The following APOA5 variants were observed in gnomAD, a reference collection of about 807,000 sequenced individuals.
The protein encoded by APOA5 is apolipoprotein A5, also known as apolipoprotein A-V.
APOA5 carries 26 observed loss-of-function variants against 31.8 expected under a neutral mutation model. The ratio of observed to expected loss-of-function variants is 0.82; its 90% CI spans 0.60 to 1.13. The LOEUF is 1.13. APOA5 is among the 50% of genes most tolerant of loss of function. The probability of loss-of-function intolerance (pLI) is 0.00; values close to 1 mark genes in which losing one functional copy is unlikely to be tolerated. For synonymous variants in APOA5, 186 were observed against 198.5 expected (o/e 0.94, Z 0.53); for missense variants, 450 against 488.0 (o/e 0.92, Z 0.73).
In APOA5 at chr11:116,789,899, A is replaced by T. The variant is rs906102559; in HGVS notation, c.*229T>A. On this transcript the variant is annotated 3_prime_UTR_variant, in exon 3 of 3. Coordinates refer to ENST00000227665, the MANE Select transcript of APOA5 (RefSeq NM_001371904.1). ...AACTCATGAGCATTCCCAAATGAGC[A>T]CTGGGAGGCTGGGTTTGCAAAGCCT... The T allele has an allele frequency of 8.3e-6, 5 of 601,510 alleles. No homozygotes were observed. The African/African-American group carries it at 9.2e-5, about 11-fold the overall frequency. 37.3% of individuals were successfully genotyped at this position (601,510 alleles called of 1,614,324 possible).
intron 1 of APOA5, 39 bp downstream of exon 1, chr11:116,791,773 A>G: frequency 1.2e-6 from 2 of 1,614,062 alleles, no homozygotes; most frequent in South Asian, 1.1e-5. Context: ...GCCAGCCTCC[A>G]CCCACACCCC....
rs1940949873 is a variant in APOA5 at position 116,789,378 on chromosome 11, A to G, written c.*750T>C. ...CACGCCAGGCAAACTTCTATCATAA[A>G]CATCTATTTCATTTGAGCCAGAAGT... On this transcript the variant is annotated 3_prime_UTR_variant, in exon 3 of 3. Transcript: ENST00000227665. The G allele has an allele frequency of 6.5e-6, 1 of 153,448 alleles. No homozygotes were observed. Among genetic ancestry groups the G allele is most frequent in the Admixed American group, 6.5e-5 (1 of 15,456 alleles). The allele number at this position is 153,448 out of a possible 1,614,324, so 9.5% of individuals were successfully genotyped here. A position where few individuals can be genotyped will look rare whatever the true frequency, so the allele number is the denominator to read the frequency against.
chr11:116,791,777 A>C (rs1190355086), intron 1 of APOA5, 35 bp downstream of exon 1: 4 of 1,614,102 alleles, frequency 2.5e-6, no homozygotes, highest in Non-Finnish European at 2.5e-6. Flanking sequence ...GCCTCCACCC[A>C]CACCCCCACG....
chr11:116,792,125 C>T (rs573220266), upstream of APOA5, among the ~76,000 whole-genome samples: 2 of 152,236 alleles, frequency 1.3e-5, no homozygotes, highest in East Asian at 1.9e-4. Context: ...GAGCGTGGTG[C>T]TCTAACCCCT....
At chr11:116,791,465 G>C in intron 2 of APOA5, 121 bp downstream of exon 2, 1 of 1,069,426 alleles carries the variant, frequency 9.4e-7, no homozygotes, top group Admixed American at 2.0e-5. Context: ...GACAGAGCTA[G>C]CACCGCTCCT....
In APOA5 at chr11:116,789,555, T is replaced by TATCATTAAAAAAA; in HGVS notation, c.*572_*573insTTTTTTTAATGAT. ...ATGTCAGGAAACATGGGCTCTGCCC[T>TATCATTAAAAAAA]CTCCTATCACAGCCCACACCTTTCG... On this transcript the variant is annotated 3_prime_UTR_variant, in exon 3 of 3. Coordinates refer to ENST00000227665, the MANE Select transcript of APOA5 (RefSeq NM_001371904.1). The TATCATTAAAAAAA allele has an allele frequency of 5.4e-6, 1 of 183,844 alleles. No homozygotes were observed. Among genetic ancestry groups the TATCATTAAAAAAA allele is most frequent in the Non-Finnish European group, 1.2e-5 (1 of 86,024 alleles). The allele number at this position is 183,844 out of a possible 1,614,324, so 11.4% of individuals were successfully genotyped here. A position where few individuals can be genotyped will look rare whatever the true frequency, so the allele number is the denominator to read the frequency against.
Position 116,790,071 on chromosome 11 carries a change from C to G in APOA5, c.*57G>C. 1 of 1,571,308 alleles carries G rather than the reference C, an allele frequency of 6.4e-7. No homozygotes were observed. The highest frequency in any genetic ancestry group is 8.7e-7 in the Non-Finnish European group (1 of 1,151,272). On this transcript the variant is annotated 3_prime_UTR_variant, in exon 3 of 3. Transcript: ENST00000227665. ...TTCAAGGACTGAACCATGCTAGAGG[C>G]TCAGAGCCAAGGCTCCCCAGACAAG...
chr11:116,791,603 C>G lies in APOA5; in HGVS notation c.144G>C (p.Lys48Asn). ...KGRVEQIHQQ[K>N]MAREPATLKD... ...GCACTCACGCGGGCTCGCGAGCCAT[C>G]TTCTGCTGATGGATCTGCTCCACCC... is the stretch of plus-strand genomic sequence containing the variant. The change falls in exon 2 of 3, where the codon AAG (lysine) becomes AAC (asparagine). Residue 48 changes from lysine to asparagine, a missense_variant. Coordinates refer to ENST00000227665, the MANE Select transcript of APOA5 (RefSeq NM_001371904.1). 1 of 1,605,296 alleles carries G rather than the reference C, an allele frequency of 6.2e-7. No individual in the cohort carries two copies. Among genetic ancestry groups the G allele is most frequent in the East Asian group, 2.3e-5 (1 of 44,328 alleles).
chr11:116,791,051 G>A lies in APOA5; in HGVS notation c.178C>T (p.Leu60Phe). The change falls in exon 3 of 3, where the codon CTT becomes TTT. Residue 60 changes from leucine (L) to phenylalanine (F), a missense_variant. Leu to Phe is a conservative substitution (Grantham distance 22). Coordinates refer to ENST00000227665, the MANE Select transcript of APOA5 (RefSeq NM_001371904.1). ...AREPATLKDS[L>F]EQDLNNMNKF... ...TTCATATTGTTGAGGTCTTGCTCAA[G>A]GCTGTCTTTCAGGGTCCTGGAGAAG... 1 of 1,611,528 alleles carries A rather than the reference G, an allele frequency of 6.2e-7. No homozygotes were observed. Among genetic ancestry groups the A allele is most frequent in the Non-Finnish European group, 8.5e-7 (1 of 1,179,692 alleles).
In APOA5 at chr11:116,791,840, C is replaced by A; in HGVS notation, c.21G>T (p.Val7=). Residue 7 remains valine (V), a synonymous_variant, in exon 1 of 3, where the codon GTG becomes GTT. Transcript: ENST00000227665. MASMAA[V]LTWALALLSA... ...AAAGAAGAGCCAGAGCCCAGGTGAGCACGGCAGCCATGCTTGCCATTACCT... is the reference window on the plus strand; with the variant it reads ...AAAGAAGAGCCAGAGCCCAGGTGAGAACGGCAGCCATGCTTGCCATTACCT... The A allele has an allele frequency of 6.2e-7, 1 of 1,614,170 alleles. No homozygotes were observed. Among genetic ancestry groups the A allele is most frequent in the South Asian group, 1.1e-5 (1 of 91,080 alleles).
chr11:116,791,737 T>TC, intron 1 of APOA5, 40 bp from the exon 2 acceptor site: 1 of 1,611,162 alleles, frequency 6.2e-7, no homozygotes, highest in Non-Finnish European at 8.5e-7. Context: ...TGGGCTCTCC[T>TC]CCCCCAGGGT....
chr11:116,790,814 G>T lies in APOA5; in HGVS notation c.415C>A (p.Gln139Lys). 1 of 1,613,818 alleles carries T rather than the reference G, an allele frequency of 6.2e-7. No homozygotes were observed. The highest frequency in any genetic ancestry group is 8.5e-7 in the Non-Finnish European group (1 of 1,180,028). ...AGCTCCTGCACGCGCAGGGCCACCT[G>T]CTCCATCAGATCCATCGTGTAGGGC... ...LKPYTMDLME[Q>K]VALRVQELQE... Residue 139 changes from glutamine (Q) to lysine (K), a missense_variant, in exon 3 of 3, where the codon CAG becomes AAG. Transcript: ENST00000227665.
In APOA5 at chr11:116,791,570, T is replaced by C; in HGVS notation, c.161+16A>G. 1 of 1,587,134 alleles carries C rather than the reference T, an allele frequency of 6.3e-7. No homozygotes were observed. Among genetic ancestry groups the C allele is most frequent in the Non-Finnish European group, 8.6e-7 (1 of 1,167,576 alleles). On this transcript the variant is annotated intron_variant, in intron 2 of 2. Transcript: ENST00000227665. ...GTCTCCTCCCTTCGCCTACACCCCT[T>C]CCCCTGGGCACTCACGCGGGCTCGC...
At chr11:116,792,119 G>A (rs371743977), upstream of APOA5, among the ~76,000 whole-genome samples, 17 of 152,240 alleles carry the variant, frequency 1.1e-4, no homozygotes, top group South Asian at 2.9e-3. Flanking sequence ...AGCAGGGAGC[G>A]TGGTGCTCTA....
rs768681709 is a variant in APOA5, at chr11:116,790,395, G to C, written c.834C>G (p.Ser278=). 8.7e-6 allele frequency: 14 copies of C among 1,610,488 alleles called. No individual in the cohort carries two copies. Among genetic ancestry groups the C allele is most frequent in the East Asian group, 2.2e-5 (1 of 44,898 alleles). ...CCTGAAGTCGCTGGCGCACCTCCTC[G>C]GAGAGCATCTGGGGGTCCGGGCCGG... The part of the protein sequence containing the change: ...EGAGPDPQML[S]EEVRQRLQAF... The change falls in exon 3 of 3, where the codon TCC becomes TCG. Residue 278 remains serine (S), a synonymous_variant. Transcript: ENST00000227665.
Position 116,790,099 on chromosome 11 carries a change from G to C in APOA5, c.*29C>G. On this transcript the variant is annotated 3_prime_UTR_variant, in exon 3 of 3. Transcript: ENST00000227665. ...AGAGCCAAGGCTCCCCAGACAAGGA[G>C]CTGGGAATGGGCCTGGGCAGGTAGA... 1 of 1,605,678 alleles carries C rather than the reference G, an allele frequency of 6.2e-7. No homozygotes were observed. Among genetic ancestry groups the C allele is most frequent in the South Asian group, 1.1e-5 (1 of 90,340 alleles).
Position 116,791,795 on chromosome 11 carries a change from C to A in APOA5, c.49+17G>T. ...TCCACCCACACCCCCACGTTGAAGT[C>A]AGGGTCGGAGACCCACCTGAAAGAA... On this transcript the variant is annotated intron_variant, in intron 1 of 2. Coordinates refer to ENST00000227665, the MANE Select transcript of APOA5 (RefSeq NM_001371904.1). 6.2e-7 allele frequency: 1 copy of A among 1,614,178 alleles called. No homozygotes were observed. The highest frequency in any genetic ancestry group is 8.5e-7 in the Non-Finnish European group (1 of 1,180,014).
In APOA5 at chr11:116,791,424, G is replaced by A. The variant is rs1012202707; in HGVS notation, c.161+162C>T. 7.0e-5 allele frequency: 58 copies of A among 823,926 alleles called. No individual in the cohort carries two copies. The African/African-American group carries it at 9.3e-4, about 13-fold the overall frequency. The allele number at this position is 823,926 out of a possible 1,614,324, so 51.0% of individuals were successfully genotyped here. A position where few individuals can be genotyped will look rare whatever the true frequency, so the allele number is the denominator to read the frequency against. On this transcript the variant is annotated intron_variant, in intron 2 of 2. Coordinates refer to ENST00000227665, the MANE Select transcript of APOA5 (RefSeq NM_001371904.1). The stretch of plus-strand genomic sequence containing the variant: ...AAGGCGGGGGCTGCAGGCAGAGGGC[G>A]CTAAAGAGCCCAGGATGGCCGGGAT...
chr11:116,790,846 T>C lies in APOA5; in HGVS notation c.383A>G (p.Gln128Arg). 1.2e-6 allele frequency: 2 copies of C among 1,613,382 alleles called. No homozygotes were observed. The highest frequency in any genetic ancestry group is 1.7e-6 in the Non-Finnish European group (2 of 1,179,894). Residue 128 changes from glutamine (Q) to arginine (R), a missense_variant, in exon 3 of 3, where the codon CAA becomes CGA. Gln to Arg is a conservative substitution (Grantham distance 43). Coordinates refer to ENST00000227665, the MANE Select transcript of APOA5 (RefSeq NM_001371904.1). Reference sequence around the variant, plus strand: ...CAGATCCATCGTGTAGGGCTTCAGTTGCTGCCGCAAGCCCTCCAAATTCCA... The same window carrying C: ...CAGATCCATCGTGTAGGGCTTCAGTCGCTGCCGCAAGCCCTCCAAATTCCA... ...VGWNLEGLRQ[Q>R]LKPYTMDLME...
Sources: allele counts gnomAD v4.1 joint callset (sites outside exome capture counted in the v4.1 genomes callset), GRCh38; gene constraint gnomAD v4.1.1; transcripts MANE v1.5; gene names NCBI Gene and HGNC (gene_info 2026-07-23, HGNC 2026-07-21).